Variants in DCPH1 observed in about 807,000 individuals in gnomAD.
The protein encoded by DCPH1 is damage-control phosphatase 1.
chr6:151,452,509 G>C, the DCPH1 span: 1 of 1,609,760 alleles, frequency 6.2e-7, no homozygotes, highest in Admixed American at 1.7e-5. Flanking sequence ...TGCGGCGATT[G>C]AACAGCCGAG....
At chr6:151,453,180 G>C in the DCPH1 span, among the ~76,000 whole-genome samples, 2 of 152,180 alleles carry the variant, frequency 1.3e-5, no homozygotes, top group African/African-American at 4.8e-5. Context: ...GGCCAACAAA[G>C]TGGCGCCAAT....
the DCPH1 span, among the ~76,000 whole-genome samples, chr6:151,453,501 GTTA>G: frequency 1.3e-5 from 2 of 152,208 alleles, no homozygotes; most frequent in African/African-American, 2.4e-5. Flanking sequence ...GATCAACGTA[GTTA>G]TTATGCGCAT....
At chr6:151,458,577 G>C in the DCPH1 span, 2 of 1,590,868 alleles carry the variant, frequency 1.3e-6, no homozygotes, top group South Asian at 1.1e-5. Flanking sequence ...CCAGAGGTAC[G>C]TGTGTAATCA....
the DCPH1 span, chr6:151,454,606 G>C: frequency 6.3e-7 from 1 of 1,580,818 alleles, no homozygotes; most frequent in African/African-American, 1.3e-5. Flanking sequence ...TAAGGTTATT[G>C]ATACATTGCA....
At chr6:151,468,982 A>G in the DCPH1 span, 2 of 1,614,254 alleles carry the variant, frequency 1.2e-6, no homozygotes, top group Non-Finnish European at 1.7e-6. Flanking sequence ...ACTCTGTACC[A>G]TAAGAACATT....
the DCPH1 span, chr6:151,458,638 G>A: frequency 1.4e-6 from 2 of 1,400,740 alleles, no homozygotes; most frequent in African/African-American, 1.4e-5. Context: ...ATTGTAAAAG[G>A]ATAAGTTTAA....
the DCPH1 span, chr6:151,452,494 GT>G: frequency 2.5e-6 from 4 of 1,604,802 alleles, no homozygotes; most frequent in Non-Finnish European, 3.4e-6. Context: ...TACCGCCTCT[GT>G]TTCTGCGGCG....
At chr6:151,453,933 GAAGAGACAGTAGCACGCCTTC>G in the DCPH1 span, among the ~76,000 whole-genome samples, 1 of 152,112 alleles carries the variant, frequency 6.6e-6, no homozygotes, top group East Asian at 1.9e-4. Context: ...TTTTGAGTGG[GAAGAGACAGTAGCACGCCTTC>G]ATTTGCTTAG....
the DCPH1 span, among the ~76,000 whole-genome samples, chr6:151,459,684 C>T: frequency 1.3e-5 from 2 of 152,046 alleles, no homozygotes; most frequent in Admixed American, 6.6e-5. Context: ...CCAGCTACCC[C>T]GGAGGCTGAG....
the DCPH1 span, chr6:151,452,474 T>G: frequency 6.4e-7 from 1 of 1,557,234 alleles, no homozygotes; most frequent in East Asian, 2.3e-5. Context: ...CAGCTCCTCC[T>G]TCGCGGCGGT....
the DCPH1 span, chr6:151,458,285 G>GACACAC: frequency 6.5e-7 from 1 of 1,543,980 alleles, no homozygotes; most frequent in Non-Finnish European, 8.8e-7. Context: ...GAATTGCACA[G>GACACAC]ACACACACAC....
the DCPH1 span, chr6:151,469,246 C>G: frequency 1.6e-6 from 1 of 627,414 alleles, no homozygotes. Flanking sequence ...TGCCCATCTA[C>G]GTGCACTGGA....
the DCPH1 span, among the ~76,000 whole-genome samples, chr6:151,461,677 A>C: frequency 6.6e-6 from 1 of 152,204 alleles, no homozygotes; most frequent in Non-Finnish European, 1.5e-5. Context: ...GTCTCAAAAA[A>C]AACACCACAT....
the DCPH1 span, among the ~76,000 whole-genome samples, chr6:151,454,868 T>A: frequency 6.6e-6 from 1 of 152,230 alleles, no homozygotes; most frequent in Admixed American, 6.5e-5. Context: ...GTCAGTTATT[T>A]AGACTTCAGA....
the DCPH1 span, chr6:151,468,500 CAA>C: frequency 6.0e-5 from 97 of 1,613,196 alleles, no homozygotes; most frequent in Non-Finnish European, 8.0e-5. Flanking sequence ...TGCAAGAAAA[CAA>C]GAGAAAAAGC....
the DCPH1 span, among the ~76,000 whole-genome samples, chr6:151,467,276 G>T: frequency 2.0e-5 from 3 of 147,260 alleles, no homozygotes; most frequent in African/African-American, 5.0e-5. Context: ...AAACCCTATT[G>T]GTTGGAACAT....
the DCPH1 span, chr6:151,458,544 C>T: frequency 1.6e-5 from 25 of 1,609,950 alleles, no homozygotes; most frequent in African/African-American, 1.1e-4. Context: ...TTACATGTAT[C>T]GAAGAATTCA....
chr6:151,463,826 G>A, the DCPH1 span, among the ~76,000 whole-genome samples: 1 of 151,980 alleles, frequency 6.6e-6, no homozygotes, highest in Non-Finnish European at 1.5e-5. Context: ...ATTTTCTTAG[G>A]CCAATATAAT....
At chr6:151,466,157 G>T in the DCPH1 span, among the ~76,000 whole-genome samples, 1 of 152,210 alleles carries the variant, frequency 6.6e-6, no homozygotes, top group Non-Finnish European at 1.5e-5. Context: ...GACCTCAGGT[G>T]ATCTGCCCAC....
Sources: allele counts gnomAD v4.1 joint callset (sites outside exome capture counted in the v4.1 genomes callset), GRCh38; gene constraint gnomAD v4.1.1; transcripts MANE v1.5; gene names NCBI Gene and HGNC (gene_info 2026-07-23, HGNC 2026-07-21).